Variants in IGF2BP2 observed in about 807,000 individuals in gnomAD.
IGF2BP2 encodes the protein insulin-like growth factor 2 mRNA-binding protein 2.
Under a neutral mutation model 75.8 loss-of-function variants are expected in IGF2BP2, and 17 were observed. The ratio of observed to expected loss-of-function variants is 0.22; its 90% CI spans 0.15 to 0.34. The LOEUF (loss-of-function observed/expected upper bound fraction) is 0.34, where lower values mean the gene tolerates loss of function less well. IGF2BP2 is among the 10% of genes least tolerant of loss of function. The probability of loss-of-function intolerance (pLI) is 1.00; values close to 1 mark genes in which losing one functional copy is unlikely to be tolerated. For missense variants in IGF2BP2, 516 were observed against 772.4 expected, an observed-to-expected ratio of 0.67 and a Z score of 3.93; for synonymous variants, 288 against 295.6, an observed-to-expected ratio of 0.97 and a Z score of 0.26.
At chr3:185,781,748 T>C (rs989390956) in intron 2 of IGF2BP2, among the ~76,000 whole-genome samples, 5 of 152,146 alleles carry the variant, frequency 3.3e-5, no homozygotes, top group East Asian at 1.9e-4. Flanking sequence ...TGCTTTAACA[T>C]TGTTCCCAAA....
intron 2 of IGF2BP2, among the ~76,000 whole-genome samples, chr3:185,723,219 C>T (rs919007969): frequency 6.6e-5 from 10 of 152,226 alleles, no homozygotes; most frequent in South Asian, 6.2e-4. Flanking sequence ...ATCAAAATTA[C>T]GCAAACAGCT....
chr3:185,741,965 C>T (rs1171209691), intron 2 of IGF2BP2, among the ~76,000 whole-genome samples: 1 of 152,246 alleles, frequency 6.6e-6, no homozygotes, highest in East Asian at 1.9e-4. Context: ...CAACCACTTA[C>T]ACTAAAAATG....
intron 2 of IGF2BP2, among the ~76,000 whole-genome samples, chr3:185,813,072 A>C (rs1043117244): frequency 1.3e-5 from 2 of 152,172 alleles, no homozygotes; most frequent in African/African-American, 4.8e-5. Context: ...GTGATGTAGA[A>C]ATAATTATAT....
At chr3:185,766,807 A>G (rs1451857026) in intron 2 of IGF2BP2, among the ~76,000 whole-genome samples, 1 of 152,072 alleles carries the variant, frequency 6.6e-6, no homozygotes, top group Non-Finnish European at 1.5e-5. Context: ...CTGTTTAGAG[A>G]TGAGATCGCA....
At position 185,806,169 on chromosome 3, in the gene IGF2BP2, C is replaced by T. The variant is rs185877887; in HGVS notation, c.239+16984G>A. ...ACAGTCAGGGAGTTCTCTCTAAACT[C>T]CCTGAAGCAGAAAAAAAAAGTTTAA... On this transcript the variant is annotated intron_variant, in intron 2 of 15. Coordinates refer to ENST00000382199, the MANE Select transcript of IGF2BP2 (RefSeq NM_006548.6). Among the ~76,000 whole-genome samples the T allele has an allele frequency of 3.9e-5, 6 of 152,132 alleles. No homozygotes were observed. The East Asian group carries it at 1.2e-3, about 29-fold the overall frequency.
chr3:185,751,714 C>T (rs1295536213), intron 2 of IGF2BP2, among the ~76,000 whole-genome samples: 1 of 152,072 alleles, frequency 6.6e-6, no homozygotes, highest in African/African-American at 2.4e-5. Context: ...CCTGTAATCC[C>T]AGCACTTTGG....
chr3:185,675,510 A>C, intron 8 of IGF2BP2, 79 bp from the exon 9 acceptor site: 1 of 1,523,864 alleles, frequency 6.6e-7, no homozygotes, highest in Non-Finnish European at 8.9e-7. Context: ...AATCACAAAC[A>C]AGTTTTGGCG....
chr3:185,789,658 A>G (rs1736365559), intron 2 of IGF2BP2, among the ~76,000 whole-genome samples: 1 of 151,408 alleles, frequency 6.6e-6, no homozygotes, highest in Non-Finnish European at 1.5e-5. Flanking sequence ...AATCTAGTTA[A>G]GTAAGCAAAA....
chr3:185,771,787 A>G (rs920872921), intron 2 of IGF2BP2, among the ~76,000 whole-genome samples: 2 of 152,114 alleles, frequency 1.3e-5, no homozygotes, highest in Non-Finnish European at 2.9e-5. Context: ...GCTTACTTGC[A>G]TTGCAACACT....
chr3:185,768,713 A>C (rs1192744640), intron 2 of IGF2BP2, among the ~76,000 whole-genome samples: 1 of 152,152 alleles, frequency 6.6e-6, no homozygotes, highest in African/African-American at 2.4e-5. Context: ...GAAGCTTCTG[A>C]TAGATCAATA....
At chr3:185,770,169 C>T (rs1365930707) in intron 2 of IGF2BP2, among the ~76,000 whole-genome samples, 3 of 152,148 alleles carry the variant, frequency 2.0e-5, no homozygotes, top group Non-Finnish European at 4.4e-5. Flanking sequence ...ACAGAATCTA[C>T]GTCTCATAAG....
intron 10 of IGF2BP2, among the ~76,000 whole-genome samples, chr3:185,665,567 AGG>A (rs1331527917): frequency 6.7e-6 from 1 of 149,388 alleles, no homozygotes; most frequent in Non-Finnish European, 1.5e-5. Flanking sequence ...GAGAAGGAGA[AGG>A]AGAAGAAGGA....
In IGF2BP2 at chr3:185,675,443, GAAGAA is replaced by G. The variant is rs778492858; in HGVS notation, c.936-17_936-13del. On this transcript the variant is annotated splice_polypyrimidine_tract_variant and intron_variant, in intron 8 of 15. Transcript: ENST00000382199. ...TCAAATCCTGCAAACTGACCCATGA[GAAGAA>G]AAGAGAAATTTTGTTTTCAACGGGA... The G allele has an allele frequency of 4.4e-6, 7 of 1,588,394 alleles. No homozygotes were observed. Among genetic ancestry groups the G allele is most frequent in the Non-Finnish European group, 6.0e-6 (7 of 1,174,216 alleles).
At position 185,752,287 on chromosome 3, in the gene IGF2BP2, A is replaced by G. The variant is rs552194579; in HGVS notation, c.240-53940T>C. The stretch of plus-strand genomic sequence containing the variant: ...GCCATGTGCAGGAACAGGCCATTGC[A>G]GGAGTAGAATCATTGGATGATAAAG... On this transcript the variant is annotated intron_variant, in intron 2 of 15. Coordinates refer to ENST00000382199, the MANE Select transcript of IGF2BP2 (RefSeq NM_006548.6). Among the ~76,000 whole-genome samples the G allele has an allele frequency of 5.3e-5, 8 of 152,336 alleles. No individual in the cohort carries two copies. In the South Asian group the frequency reaches 1.7e-3, roughly 32 times the overall value.
chr3:185,815,022 A>C (rs111687047), intron 2 of IGF2BP2, among the ~76,000 whole-genome samples: 285 of 152,286 alleles, frequency 1.9e-3, no homozygotes, highest in Non-Finnish European at 2.8e-3. Context: ...CTAAACAAAA[A>C]AACCTCAAGT....
chr3:185,751,608 G>A (rs1400693412), intron 2 of IGF2BP2, among the ~76,000 whole-genome samples: 2 of 151,686 alleles, frequency 1.3e-5, no homozygotes, highest in African/African-American at 2.4e-5. Flanking sequence ...TCACGCCATC[G>A]CACTCCAGCC....
chr3:185,656,772 A>C (rs963313960), intron 12 of IGF2BP2, among the ~76,000 whole-genome samples: 1 of 152,212 alleles, frequency 6.6e-6, no homozygotes, highest in Admixed American at 6.5e-5. Flanking sequence ...CAGCCTTTCC[A>C]TAAGTCAAGG....
At chr3:185,698,557 A>G (rs60753924) in intron 2 of IGF2BP2, among the ~76,000 whole-genome samples, 1 of 152,218 alleles carries the variant, frequency 6.6e-6, no homozygotes, top group Non-Finnish European at 1.5e-5. Flanking sequence ...AGGCTGGAGT[A>G]TAGGTGGTGC....
chr3:185,763,981 G>A (rs906279689), intron 2 of IGF2BP2, among the ~76,000 whole-genome samples: 1 of 152,052 alleles, frequency 6.6e-6, no homozygotes, highest in Non-Finnish European at 1.5e-5. Flanking sequence ...TTGGAGTGAG[G>A]GCAGAGAGAG....
Sources: gnomAD v4.1 joint callset for allele counts (sites outside exome capture counted in the v4.1 genomes callset) on GRCh38, gnomAD v4.1.1 for gene constraint, MANE v1.5 for transcripts, NCBI Gene and HGNC (gene_info 2026-07-23, HGNC 2026-07-21) for gene names.